PDLIM5: variants seen among roughly 807,000 people sequenced by gnomAD.
PDLIM5 encodes the protein PDZ and LIM domain protein 5.
A neutral mutation model predicts 64.2 loss-of-function variants in PDLIM5; 34 were observed. The ratio of observed to expected loss-of-function variants is 0.53; its 90% CI spans 0.40 to 0.71. PDLIM5 has a LOEUF of 0.71. Among genes scored for constraint, PDLIM5 ranks in the 30% least tolerant of loss-of-function variants. PDLIM5 has a pLI of 0.00. For missense variants in PDLIM5, 683 were observed against 733.6 expected, an observed-to-expected ratio of 0.93 and a Z score of 0.80; for synonymous variants, 253 against 269.1, an observed-to-expected ratio of 0.94 and a Z score of 0.59.
intron 5 of PDLIM5, chr4:94,577,466 GAT>G (rs10591059): frequency 0.49 from 176,562 of 362,348 alleles, 37,340 homozygotes; most frequent in African/African-American, 0.73. Context: ...CTAAAGTTCT[GAT>G]ATATATATAT....
rs1475532753 is a variant in PDLIM5 at position 94,610,161 on chromosome 4, T to G, written c.921-7843T>G. On this transcript the variant is annotated intron_variant, in intron 7 of 12. Coordinates refer to ENST00000317968, the MANE Select transcript of PDLIM5 (RefSeq NM_006457.5). ...CTGTTTTTCTTTCCCTACCTGTCAG[T>G]TTAAGCAGCTCCACAGGAAATGTGG... 3 of 1,518,404 alleles carry G rather than the reference T, an allele frequency of 2.0e-6. No individual in the cohort carries two copies. In the African/African-American group the frequency reaches 4.1e-5, roughly 21 times the overall value. 94.1% of individuals were successfully genotyped at this position (1,518,404 alleles called of 1,614,324 possible).
Position 94,662,418 on chromosome 4 carries a change from A to T in PDLIM5, c.1586-4A>T. The stretch of plus-strand genomic sequence containing the variant: ...TTATGTCTCTCTGCCCTCCCTTAAT[A>T]CAGATTATTATGCCCTCTTTGGTAC... On this transcript the variant is annotated splice_polypyrimidine_tract_variant and splice_region_variant and intron_variant, in intron 11 of 12. Transcript: ENST00000317968. 1 of 1,347,518 alleles carries T rather than the reference A, an allele frequency of 7.4e-7. No homozygotes were observed. The highest frequency in any genetic ancestry group is 1.1e-6 in the Non-Finnish European group (1 of 937,088). The allele number at this position is 1,347,518 out of a possible 1,614,324, so 83.5% of individuals were successfully genotyped here.
At chr4:94,454,451 C>G (rs923549527) in intron 1 of PDLIM5, among the ~76,000 whole-genome samples, 2 of 151,994 alleles carry the variant, frequency 1.3e-5, no homozygotes, top group African/African-American at 4.8e-5. Context: ...TCTAAACTGC[C>G]AATTCCATTT....
At chr4:94,630,194 A>G (rs1400595554) in intron 8 of PDLIM5, among the ~76,000 whole-genome samples, 2 of 151,856 alleles carry the variant, frequency 1.3e-5, no homozygotes, top group African/African-American at 4.8e-5. Context: ...TGCCACTTTG[A>G]TGTATCCCAG....
chr4:94,662,333 A>C, intron 11 of PDLIM5, 89 bp from the exon 12 acceptor site: 1 of 635,032 alleles, frequency 1.6e-6, no homozygotes, highest in Non-Finnish European at 2.9e-6. Flanking sequence ...CATCTCATCT[A>C]ATCCTGATTT....
chr4:94,654,406 C>A, intron 9 of PDLIM5, 54 bp from the exon 10 acceptor site: 1 of 1,174,540 alleles, frequency 8.5e-7, no homozygotes, highest in Non-Finnish European at 1.3e-6. Context: ...CATATCCAGG[C>A]TAACTCTAGA....
At chr4:94,517,067 G>A (rs995036746) in intron 2 of PDLIM5, among the ~76,000 whole-genome samples, 44 of 151,968 alleles carry the variant, frequency 2.9e-4, no homozygotes, top group Non-Finnish European at 2.5e-4. Flanking sequence ...GCATATATGC[G>A]GGGGGGACAT....
intron 3 of PDLIM5, among the ~76,000 whole-genome samples, chr4:94,561,209 A>G (rs1365187498): frequency 6.6e-6 from 1 of 152,184 alleles, no homozygotes; most frequent in Non-Finnish European, 1.5e-5. Context: ...AGAACACTGC[A>G]TGATACAGGC....
At chr4:94,561,888 C>T (rs773366905) in intron 3 of PDLIM5, among the ~76,000 whole-genome samples, 3 of 152,122 alleles carry the variant, frequency 2.0e-5, no homozygotes, top group Admixed American at 6.5e-5. Flanking sequence ...TATAGTAATC[C>T]ATGGTCAGCA....
intron 2 of PDLIM5, among the ~76,000 whole-genome samples, chr4:94,465,510 C>T (rs568759191): frequency 4.9e-4 from 74 of 152,316 alleles, no homozygotes; most frequent in Non-Finnish European, 8.2e-4. Context: ...AAGCGGTTCT[C>T]CTGCCTCAGC....
At chr4:94,535,701 G>GT (rs1731261549) in intron 3 of PDLIM5, among the ~76,000 whole-genome samples, 1 of 152,118 alleles carries the variant, frequency 6.6e-6, no homozygotes, top group African/African-American at 2.4e-5. Flanking sequence ...GAACGAAAAT[G>GT]TTTAAGATTC....
intron 11 of PDLIM5, among the ~76,000 whole-genome samples, chr4:94,658,087 A>C (rs1053998941): frequency 6.6e-6 from 1 of 152,198 alleles, no homozygotes; most frequent in African/African-American, 2.4e-5. Context: ...AGTAGGAAAA[A>C]TATTTTGCTT....
intron 7 of PDLIM5, among the ~76,000 whole-genome samples, chr4:94,600,084 G>A (rs1395405583): frequency 6.6e-6 from 1 of 152,114 alleles, no homozygotes; most frequent in Non-Finnish European, 1.5e-5. Context: ...GTAAACAAGG[G>A]TAAGTGGGAA....
At chr4:94,525,747 A>T (rs1318534383) in intron 3 of PDLIM5, among the ~76,000 whole-genome samples, 1 of 152,208 alleles carries the variant, frequency 6.6e-6, no homozygotes, top group African/African-American at 2.4e-5. Context: ...GGGTCTTTTT[A>T]AAAAACTTAG....
intron 3 of PDLIM5, among the ~76,000 whole-genome samples, chr4:94,554,461 T>C (rs1316829557): frequency 1.3e-5 from 2 of 152,156 alleles, no homozygotes; most frequent in African/African-American, 4.8e-5. Flanking sequence ...TATATGTATA[T>C]ACATTCGTAC....
intron 3 of PDLIM5, among the ~76,000 whole-genome samples, chr4:94,552,463 T>G (rs939509588): frequency 2.6e-5 from 4 of 152,140 alleles, no homozygotes; most frequent in African/African-American, 7.2e-5. Context: ...ATTTAGAGTC[T>G]TTTTAAAATA....
rs775740898 is a variant in PDLIM5 at position 94,516,598 on chromosome 4, A to G, written c.97-7126A>G. On this transcript the variant is annotated intron_variant, in intron 2 of 12. Transcript: ENST00000317968. ...GAGTATGGTAGTGCAATCATGGCTC[A>G]CTGCAGCCTCGATCTCCTGGGCTCA... 2.0e-4 allele frequency among the ~76,000 whole-genome samples: 30 copies of G among 152,158 alleles called. No individual in the cohort carries two copies. In the South Asian group the frequency reaches 3.1e-3, roughly 16 times the overall value.
chr4:94,545,927 A>C (rs1007772114), intron 3 of PDLIM5, among the ~76,000 whole-genome samples: 2 of 152,194 alleles, frequency 1.3e-5, no homozygotes, highest in Non-Finnish European at 2.9e-5. Flanking sequence ...TATTTTTATA[A>C]AAGTGTTTTT....
intron 8 of PDLIM5, among the ~76,000 whole-genome samples, chr4:94,619,749 C>G (rs1739075877): frequency 6.6e-6 from 1 of 152,086 alleles, no homozygotes. Context: ...TTCAAGTGAT[C>G]ATGCCACTTC....
Sources: gnomAD v4.1 joint callset for allele counts (sites outside exome capture counted in the v4.1 genomes callset) on GRCh38, gnomAD v4.1.1 for gene constraint, MANE v1.5 for transcripts, NCBI Gene and HGNC (gene_info 2026-07-23, HGNC 2026-07-21) for gene names.